EPHA10: variants seen among roughly 807,000 people sequenced by gnomAD.
EPHA10 encodes EPH receptor A10.
Under a neutral mutation model 109.7 loss-of-function variants are expected in EPHA10, and 120 were observed. That is an observed-to-expected ratio of 1.09 (90% confidence interval 0.94 to 1.27). The LOEUF is 1.27. Among genes scored for constraint, EPHA10 ranks in the 50% most tolerant of loss-of-function variants. The probability of loss-of-function intolerance (pLI) is 0.00; values close to 1 mark genes in which losing one functional copy is unlikely to be tolerated. For synonymous variants in EPHA10, 640 were observed against 618.9 expected (o/e 1.03, Z -0.51); for missense variants, 1,396 against 1,411.1 (o/e 0.99, Z 0.17).
At chr1:37,741,180 G>A (rs188265972) in intron 5 of EPHA10, among the ~76,000 whole-genome samples, 5 of 152,306 alleles carry the variant, frequency 3.3e-5, no homozygotes, top group South Asian at 4.1e-4. Context: ...CTTGCTGTGG[G>A]AATTTTATGA....
intron 7 of EPHA10, among the ~76,000 whole-genome samples, chr1:37,729,702 A>G (rs978129704): frequency 1.3e-5 from 2 of 152,050 alleles, no homozygotes; most frequent in Admixed American, 6.6e-5. Context: ...CAACATAGTG[A>G]GACCCCCAAA....
intron 7 of EPHA10, among the ~76,000 whole-genome samples, chr1:37,728,656 GT>G (rs1054924528): frequency 5.9e-5 from 9 of 152,122 alleles, no homozygotes; most frequent in Non-Finnish European, 1.0e-4. Flanking sequence ...AGAGATGGGT[GT>G]GGGGCCAGGA....
intron 4 of EPHA10, 54 bp from the exon 5 acceptor site, chr1:37,753,280 G>A (rs1182008143): frequency 4.0e-5 from 45 of 1,111,782 alleles, no homozygotes; most frequent in Non-Finnish European, 5.0e-5. Context: ...GCCCGTGAGA[G>A]GGGCGGGATG....
chr1:37,721,766 C>G lies in EPHA10; in HGVS notation c.2040G>C (p.Arg680Ser). The G allele has an allele frequency of 6.2e-7, 1 of 1,612,562 alleles. No individual in the cohort carries two copies. Among genetic ancestry groups the G allele is most frequent in the Non-Finnish European group, 8.5e-7 (1 of 1,179,804 alleles). Residue 680 changes from arginine to serine, a missense_variant, in exon 11 of 17, where the codon AGG becomes AGC. Physicochemically the swap from Arg to Ser is moderately radical, Grantham distance 110. Transcript: ENST00000373048. ...QELLVAVHML[R>S]DSASDSQRLG... The stretch of plus-strand genomic sequence containing the variant: ...GCCTCTGTGAGTCGGAGGCGCTGTC[C>G]CTCAGCATATGCACGGCTACGAGCA...
At chr1:37,757,663 CTCTT>C (rs1646400977) in intron 3 of EPHA10, among the ~76,000 whole-genome samples, 1 of 152,162 alleles carries the variant, frequency 6.6e-6, no homozygotes, top group South Asian at 2.1e-4. Context: ...GTTCCTGAGT[CTCTT>C]TCTCTCTCTC....
intron 11 of EPHA10, 114 bp from the exon 12 acceptor site, chr1:37,720,958 C>T (rs1459900251): frequency 1.0e-6 from 1 of 966,458 alleles, no homozygotes; most frequent in African/African-American, 1.6e-5. Flanking sequence ...CAGCACCAAG[C>T]TCCCTAATCT....
intron 5 of EPHA10, among the ~76,000 whole-genome samples, chr1:37,750,151 T>A (rs1285512394): frequency 7.1e-6 from 1 of 140,182 alleles, no homozygotes; most frequent in East Asian, 2.2e-4. Context: ...TTTATCTATG[T>A]AATAAGATTA....
intron 7 of EPHA10, 146 bp downstream of exon 7, chr1:37,731,265 G>C (rs761643000): frequency 1.3e-6 from 1 of 784,856 alleles, no homozygotes; most frequent in African/African-American, 1.8e-5. Flanking sequence ...TAATTAATTA[G>C]GCTGTAATTA....
At chr1:37,721,578 G>T (rs1029126534) in intron 11 of EPHA10, 82 bp downstream of exon 11, 2 of 1,397,976 alleles carry the variant, frequency 1.4e-6, no homozygotes, top group Non-Finnish European at 9.6e-7. Flanking sequence ...TGGAGAGGCA[G>T]GGGCACTCCA....
At chr1:37,738,587 T>C (rs1646105609) in intron 5 of EPHA10, among the ~76,000 whole-genome samples, 1 of 152,140 alleles carries the variant, frequency 6.6e-6, no homozygotes, top group Non-Finnish European at 1.5e-5. Flanking sequence ...GCAGCTGCTA[T>C]GGAAAACAAT....
At position 37,735,249 on chromosome 1, in the gene EPHA10, G is replaced by C. The variant is rs1274200968; in HGVS notation, c.1491+8C>G. 1.9e-6 allele frequency: 3 copies of C among 1,565,872 alleles called. No homozygotes were observed. Among genetic ancestry groups the C allele is most frequent in the Non-Finnish European group, 2.6e-6 (3 of 1,155,204 alleles). ...CAGGCTCCAGGTCCCTCCCAGACAC[G>C]CACTCACCTTCTCGTAGTATCGGAT... On this transcript the variant is annotated splice_region_variant and intron_variant, in intron 6 of 16. Coordinates refer to ENST00000373048, the MANE Select transcript of EPHA10 (RefSeq NM_001099439.2).
chr1:37,719,680 G>GCA, intron 14 of EPHA10, 73 bp from the exon 15 acceptor site: 3 of 1,522,176 alleles, frequency 2.0e-6, no homozygotes, highest in Non-Finnish European at 2.7e-6. Context: ...ACACACACAT[G>GCA]CACACACACA....
intron 11 of EPHA10, 97 bp from the exon 12 acceptor site, chr1:37,720,941 C>A: frequency 8.4e-7 from 1 of 1,186,248 alleles, no homozygotes. Flanking sequence ...GCCTCGAGAG[C>A]CAGAACCAGC....
chr1:37,731,372 C>G, intron 7 of EPHA10, 39 bp downstream of exon 7: 3 of 1,526,208 alleles, frequency 2.0e-6, no homozygotes, highest in South Asian at 1.3e-5. Context: ...GCAGGGTTCT[C>G]TCTGTCTAGG....
chr1:37,752,964 C>G lies in EPHA10; in HGVS notation c.1269G>C (p.Val423=). ...AGACGCCGTTGAGCGCGGCCACGCG[C>G]ACGGTGTAGCGCGCGCCGGGCCGCA... The part of the protein sequence containing the change: ...LHLRPGARYT[V]RVAALNGVSG... The change falls in exon 5 of 17, where the codon GTG becomes GTC. Residue 423 remains valine, a synonymous_variant. Transcript: ENST00000373048. The G allele has an allele frequency of 7.8e-7, 1 of 1,288,146 alleles. No homozygotes were observed. The highest frequency in any genetic ancestry group is 9.8e-7 in the Non-Finnish European group (1 of 1,020,782). The allele number at this position is 1,288,146 out of a possible 1,614,324, so 79.8% of individuals were successfully genotyped here. A position where few individuals can be genotyped will look rare whatever the true frequency, so the allele number is the denominator to read the frequency against.
chr1:37,734,697 T>C, intron 6 of EPHA10: 1 of 451,484 alleles, frequency 2.2e-6, no homozygotes, highest in Non-Finnish European at 4.4e-6. Flanking sequence ...CCTATGGGGA[T>C]CAATTGGCCA....
intron 8 of EPHA10, among the ~76,000 whole-genome samples, chr1:37,725,612 C>T (rs1218404387): frequency 6.6e-6 from 1 of 151,682 alleles, no homozygotes; most frequent in African/African-American, 2.4e-5. Context: ...GTCCAAGAAC[C>T]GAGGGGCAAG....
chr1:37,752,877 C>T lies in EPHA10; in HGVS notation c.1356G>A (p.Gly452=), dbSNP rs1646349693. ...YAQVTVSTGP[G]APWEEDEIRR... Reference sequence around the variant, plus strand: ...GGTGGGGGGCGCGGACGGCCTTACCCCCGGGCCCGGTGGAGACGGTGACCT... The same window carrying T: ...GGTGGGGGGCGCGGACGGCCTTACCTCCGGGCCCGGTGGAGACGGTGACCT... Residue 452 remains glycine, a splice_region_variant and synonymous_variant, in exon 5 of 17, where the codon GGG becomes GGA. Coordinates refer to ENST00000373048, the MANE Select transcript of EPHA10 (RefSeq NM_001099439.2). 4 of 1,290,750 alleles carry T rather than the reference C, an allele frequency of 3.1e-6. No homozygotes were observed. In the Admixed American group the frequency reaches 1.7e-4, roughly 54 times the overall value. 80.0% of individuals were successfully genotyped at this position (1,290,750 alleles called of 1,614,324 possible).
chr1:37,745,667 G>A (rs1211738511), intron 5 of EPHA10, among the ~76,000 whole-genome samples: 1 of 152,102 alleles, frequency 6.6e-6, no homozygotes, highest in East Asian at 1.9e-4. Context: ...TGGCCAATAT[G>A]GGGAAACCCT....
Sources: gnomAD v4.1 joint callset for allele counts (sites outside exome capture counted in the v4.1 genomes callset) on GRCh38, gnomAD v4.1.1 for gene constraint, MANE v1.5 for transcripts, NCBI Gene and HGNC (gene_info 2026-07-23, HGNC 2026-07-21) for gene names.